FGF13: variants seen among roughly 807,000 people sequenced by gnomAD.
FGF13 encodes the protein fibroblast growth factor 13.
FGF13 carries 2 observed loss-of-function variants against 19.5 expected under a neutral mutation model. That is an observed-to-expected ratio of 0.10 (90% CI 0.04 to 0.32). The LOEUF (loss-of-function observed/expected upper bound fraction) is 0.32, where lower values mean the gene tolerates loss of function less well. Ranked by LOEUF, FGF13 falls within the 10% of genes least tolerant of loss-of-function variation. FGF13 has a pLI of 1.00. For synonymous variants in FGF13, 72 were observed against 76.9 expected, an observed-to-expected ratio of 0.94 and a Z score of 0.33; for missense variants, 113 against 192.7, an observed-to-expected ratio of 0.59 and a Z score of 2.45.
intron 3 of FGF13, among the ~76,000 whole-genome samples, chrX:138,645,346 T>C: frequency 8.9e-6 from 1 of 112,156 alleles, no homozygotes; most frequent in African/African-American, 3.2e-5. Flanking sequence ...ACAGCTGTAA[T>C]GCCAACTCCC....
intron 1 of FGF13, among the ~76,000 whole-genome samples, chrX:138,941,477 C>T (rs1262456115): frequency 2.7e-5 from 3 of 111,572 alleles, no homozygotes; most frequent in Non-Finnish European, 5.6e-5. Flanking sequence ...AACAAAATAC[C>T]CAGGAATGCA....
intron 3 of FGF13, among the ~76,000 whole-genome samples, chrX:138,791,479 G>C (rs1483661655): frequency 8.9e-6 from 1 of 112,214 alleles, no homozygotes; most frequent in Non-Finnish European, 1.9e-5. Context: ...CTGTTAATTG[G>C]CTGTTTTATT....
At chrX:138,761,467 G>A (rs1026851574) in intron 3 of FGF13, among the ~76,000 whole-genome samples, 2 of 111,688 alleles carry the variant, frequency 1.8e-5, no homozygotes, top group African/African-American at 3.3e-5. Flanking sequence ...CACTGAGGCA[G>A]CAGATAGGTA....
intron 1 of FGF13, among the ~76,000 whole-genome samples, chrX:139,101,650 C>T (rs765037124): frequency 1.8e-5 from 2 of 112,047 alleles, no homozygotes; most frequent in South Asian, 7.5e-4. Flanking sequence ...TAAATAAAGG[C>T]CTCAATCTAT....
chrX:139,154,527 G>A (rs939062247), intron 1 of FGF13, among the ~76,000 whole-genome samples: 4 of 111,990 alleles, frequency 3.6e-5, no homozygotes, highest in Admixed American at 1.9e-4. Flanking sequence ...TGAGAGTCAC[G>A]TGTCCAGAAC....
At position 138,865,673 on chromosome X, in the gene FGF13, C is replaced by G. The variant is rs1056113342; in HGVS notation, c.-112-1023G>C. Among the ~76,000 whole-genome samples, 4 of 111,264 alleles carry G rather than the reference C, an allele frequency of 3.6e-5. No individual in the cohort carries two copies. The Admixed American group carries it at 3.8e-4, about 11-fold the overall frequency. The stretch of plus-strand genomic sequence containing the variant: ...CACAGAAGCCCTGTTCCAGCCTCAC[C>G]CACCAAGGTGGTCTGCTCAGAGTTC... On this transcript the variant is annotated intron_variant, in intron 1 of 2. Transcript: ENST00000421460.
At chrX:139,129,748 G>A (rs192738510) in intron 1 of FGF13, among the ~76,000 whole-genome samples, 329 of 111,378 alleles carry the variant, frequency 3.0e-3, no homozygotes, top group Non-Finnish European at 4.4e-3. Flanking sequence ...AGAGGGCTAG[G>A]AGGCAGATCC....
In FGF13 at chrX:138,983,414, T is replaced by TTATATATATATATATATATA. The variant is rs377155816; in HGVS notation, c.-112-118765_-112-118764insTATATATATATATATATATA. Among the ~76,000 whole-genome samples the TTATATATATATATATATATA allele has an allele frequency of 7.5e-3, 610 of 81,130 alleles. 11 individuals are homozygous for TTATATATATATATATATATA. The highest frequency in any genetic ancestry group is 0.036 in the East Asian group (82 of 2,291). The allele number at this position is 81,130 out of a possible 115,157, so 70.5% of individuals were successfully genotyped here. A position where few individuals can be genotyped will look rare whatever the true frequency, so the allele number is the denominator to read the frequency against. ...CACCCTTATCAAAGATAAGTTGATC[T>TTATATATATATATATATATA]TATATATATATATATATATGAGTTT... On this transcript the variant is annotated intron_variant, in intron 1 of 2. Transcript: ENST00000421460.
At chrX:139,064,005 G>A (rs1424200171) in intron 1 of FGF13, among the ~76,000 whole-genome samples, 1 of 111,037 alleles carries the variant, frequency 9.0e-6, no homozygotes, top group Non-Finnish European at 1.9e-5. Context: ...AATTTCTGCT[G>A]CATATATTTT....
At chrX:139,068,413 G>A (rs1206736122) in intron 1 of FGF13, among the ~76,000 whole-genome samples, 1 of 99,494 alleles carries the variant, frequency 1.0e-5, no homozygotes, top group African/African-American at 4.1e-5. Flanking sequence ...TTGAAGTCAG[G>A]TAGTGTGATG....
intron 1 of FGF13, among the ~76,000 whole-genome samples, chrX:139,143,598 G>A (rs144065509): frequency 3.8e-4 from 42 of 111,797 alleles, no homozygotes; most frequent in South Asian, 1.5e-3. Context: ...CTGTGGATGC[G>A]CTCTCACTGT....
chrX:138,789,561 C>T (rs2090722653), intron 3 of FGF13, among the ~76,000 whole-genome samples: 1 of 111,021 alleles, frequency 9.0e-6, no homozygotes, highest in Admixed American at 9.6e-5. Flanking sequence ...TCACCAGAAT[C>T]ATCTTTAAAA....
In FGF13 at chrX:139,182,745, C is replaced by T. The variant is rs142207401; in HGVS notation, c.-113+20671G>A. On this transcript the variant is annotated intron_variant, in intron 1 of 2. Coordinates refer to the FGF13 transcript ENST00000421460. Reference sequence around the variant, plus strand: ...TTTAGGAAAAATTCCTGATAAAAGGCCGTGTTTTTTGATAGCTGAACAATA... The same window carrying T: ...TTTAGGAAAAATTCCTGATAAAAGGTCGTGTTTTTTGATAGCTGAACAATA... Among the ~76,000 whole-genome samples the T allele has an allele frequency of 5.4e-4, 60 of 111,842 alleles. No homozygotes were observed. In the East Asian group the frequency reaches 0.016, roughly 30 times the overall value.
chrX:138,649,132 C>T (rs748284270), intron 3 of FGF13, among the ~76,000 whole-genome samples: 1 of 111,789 alleles, frequency 8.9e-6, no homozygotes, highest in African/African-American at 3.2e-5. Context: ...TCTGAGTGCA[C>T]GTGATTGGTA....
chrX:139,052,003 T>C (rs576096021), intron 1 of FGF13, among the ~76,000 whole-genome samples: 4 of 112,622 alleles, frequency 3.6e-5, no homozygotes, highest in African/African-American at 1.3e-4. Flanking sequence ...AGTTCATTCA[T>C]CTGTTCATAT....
chrX:138,835,209 T>G (rs750835728), intron 3 of FGF13, among the ~76,000 whole-genome samples: 180 of 111,708 alleles, frequency 1.6e-3, no homozygotes, highest in Non-Finnish European at 3.0e-3. Flanking sequence ...TGAATATCTG[T>G]GTTAATTCTC....
chrX:138,653,543 T>A (rs766510942), intron 3 of FGF13, among the ~76,000 whole-genome samples: 1 of 111,881 alleles, frequency 8.9e-6, no homozygotes, highest in South Asian at 3.7e-4. Flanking sequence ...ACAAAATGTA[T>A]CTTTATTCTA....
At chrX:138,645,289 A>C (rs1367394740) in intron 3 of FGF13, among the ~76,000 whole-genome samples, 2 of 112,032 alleles carry the variant, frequency 1.8e-5, no homozygotes, top group African/African-American at 6.5e-5. Flanking sequence ...AAATAAACTC[A>C]ATTGCAAGTG....
rs930206118 is a variant in FGF13 at position 138,963,759 on chromosome X, ATT to A, written c.-112-99111_-112-99110del. ...TTTTGCTTACTGAAAGTCCTATTTA[ATT>A]TGTCTTCTTTGTCCTATTTCTAAGC... On this transcript the variant is annotated intron_variant, in intron 1 of 2. Coordinates refer to the FGF13 transcript ENST00000421460. Among the ~76,000 whole-genome samples, 11 of 111,828 alleles carry A rather than the reference ATT, an allele frequency of 9.8e-5. No individual in the cohort carries two copies. In the Admixed American group the frequency reaches 1.0e-3, roughly 11 times the overall value.
Sources: allele counts gnomAD v4.1 joint callset (sites outside exome capture counted in the v4.1 genomes callset), GRCh38; gene constraint gnomAD v4.1.1; transcripts MANE v1.5; gene names NCBI Gene and HGNC (gene_info 2026-07-23, HGNC 2026-07-21).